The following ITIH5 variants were observed in gnomAD, a reference collection of about 807,000 sequenced individuals.
ITIH5 encodes the protein inter-alpha-trypsin inhibitor heavy chain H5.
ITIH5 carries 65 observed loss-of-function variants against 77.5 expected under a neutral mutation model. The observed-to-expected ratio is 0.84, with a 90% CI of 0.69 to 1.03. The LOEUF is 1.03. Among genes scored for constraint, ITIH5 ranks in the 50% least tolerant of loss-of-function variants. The pLI is 0.00. For synonymous variants in ITIH5, 525 were observed against 494.3 expected (o/e 1.06, Z -0.82); for missense variants, 1,208 against 1,213.1 (o/e 1.00, Z 0.06).
chr10:7,648,175 C>T (rs1200469986), intron 2 of ITIH5, among the ~76,000 whole-genome samples: 1 of 151,038 alleles, frequency 6.6e-6, no homozygotes, highest in Non-Finnish European at 1.5e-5. Flanking sequence ...ACCTGGGAAG[C>T]AGAGCTTCCA....
At chr10:7,573,262 GGA>G in intron 10 of ITIH5, 67 bp from the exon 11 acceptor site, 1 of 1,352,252 alleles carries the variant, frequency 7.4e-7, no homozygotes, top group Non-Finnish European at 1.1e-6. Context: ...AGGTGCAAAG[GGA>G]GAGAGGAGAC....
chr10:7,649,531 T>G (rs1834062858), intron 2 of ITIH5, among the ~76,000 whole-genome samples: 1 of 152,098 alleles, frequency 6.6e-6, no homozygotes, highest in African/African-American at 2.4e-5. Flanking sequence ...GATAGATAGA[T>G]AGGTAGGTAG....
At chr10:7,621,014 C>T (rs1833466293) in intron 5 of ITIH5, 1 of 152,190 alleles carries the variant, frequency 6.6e-6, no homozygotes, top group Non-Finnish European at 1.5e-5. Flanking sequence ...AGGCCCACCC[C>T]AGAAACTCGG....
intron 9 of ITIH5, among the ~76,000 whole-genome samples, chr10:7,579,105 A>AG (rs1430754153): frequency 6.6e-6 from 1 of 152,264 alleles, no homozygotes; most frequent in African/African-American, 2.4e-5. Context: ...TTAAATACTT[A>AG]ATATGGGATG....
rs938950088 is a variant in ITIH5 at position 7,569,772 on chromosome 10, G to A, written c.2045C>T (p.Pro682Leu). 19 of 1,604,798 alleles carry A rather than the reference G, an allele frequency of 1.2e-5. No homozygotes were observed. The highest frequency in any genetic ancestry group is 1.5e-5 in the Non-Finnish European group (18 of 1,176,200). The change falls in exon 12 of 14, where the codon CCC (proline) becomes CTC (leucine). Residue 682 changes from proline to leucine, a missense_variant. Transcript: ENST00000397146. ...CAGGGGGAAATCCACAACAAAGTGG[G>A]GATCACCATCCACTGCCAGAGCAGA... Reference protein sequence around the residue: ...KISKTSVDGDPHFVVDFPLSR... With the variant: ...KISKTSVDGDLHFVVDFPLSR...
At chr10:7,636,538 G>C (rs1399341070) in intron 5 of ITIH5, among the ~76,000 whole-genome samples, 1 of 152,034 alleles carries the variant, frequency 6.6e-6, no homozygotes, top group Non-Finnish European at 1.5e-5. Flanking sequence ...ATGCTGAATT[G>C]TTTTATAATC....
At chr10:7,606,216 C>T (rs369096473) in intron 7 of ITIH5, among the ~76,000 whole-genome samples, 5 of 152,270 alleles carry the variant, frequency 3.3e-5, no homozygotes, top group East Asian at 1.9e-4. Flanking sequence ...GAACTGGAAA[C>T]GGAGCTCCTA....
intron 5 of ITIH5, chr10:7,619,737 G>C (rs925359678): frequency 5.6e-6 from 1 of 180,048 alleles, no homozygotes; most frequent in African/African-American, 2.3e-5. Flanking sequence ...TCACTATCAC[G>C]AGAACAGCAA....
chr10:7,624,624 C>T (rs141385557), intron 5 of ITIH5, among the ~76,000 whole-genome samples: 3,003 of 150,576 alleles, frequency 0.02, 41 homozygotes, highest in South Asian at 0.034. Flanking sequence ...TCCAGACCAG[C>T]CTAGCTAACA....
chr10:7,601,783 T>C (rs1261897733), intron 7 of ITIH5, among the ~76,000 whole-genome samples: 3 of 152,202 alleles, frequency 2.0e-5, no homozygotes, highest in Non-Finnish European at 4.4e-5. Flanking sequence ...TCTTCATTGA[T>C]TGTAGAATTG....
At chr10:7,624,843 ACACATATATATGTG>A (rs1277202010) in intron 5 of ITIH5, among the ~76,000 whole-genome samples, 3 of 134,926 alleles carry the variant, frequency 2.2e-5, no homozygotes, top group Non-Finnish European at 4.7e-5. Context: ...ACATGTATAT[ACACATATATATGTG>A]TATATATGTA....
intron 6 of ITIH5, among the ~76,000 whole-genome samples, 200 bp downstream of exon 6, chr10:7,616,913 G>A (rs369963185): frequency 8.5e-5 from 13 of 152,106 alleles, no homozygotes; most frequent in Non-Finnish European, 1.5e-4. Context: ...TTTCACTTGC[G>A]CTGCAGATTA....
At chr10:7,572,359 A>C (rs1296692469) in intron 11 of ITIH5, 1 of 1,367,512 alleles carries the variant, frequency 7.3e-7, no homozygotes, top group Non-Finnish European at 9.8e-7. Context: ...AAATTTCATG[A>C]CATTTGAAAA....
intron 5 of ITIH5, among the ~76,000 whole-genome samples, chr10:7,635,561 A>G (rs11814938): frequency 0.012 from 1,883 of 152,294 alleles, 40 homozygotes; most frequent in African/African-American, 0.043. Context: ...AAGAATGTCA[A>G]GCTCATTGTT....
At chr10:7,666,418 C>T (rs1385617596) in intron 1 of ITIH5, among the ~76,000 whole-genome samples, 1 of 152,034 alleles carries the variant, frequency 6.6e-6, no homozygotes, top group Non-Finnish European at 1.5e-5. Flanking sequence ...TGCCTTTCTC[C>T]CTGGATCAAC....
intron 7 of ITIH5, among the ~76,000 whole-genome samples, chr10:7,593,363 C>T (rs142784497): frequency 0.036 from 5,022 of 139,720 alleles, 267 homozygotes; most frequent in African/African-American, 0.13. Flanking sequence ...CCCAGCCCCA[C>T]TCACCCCTGC....
rs1832032181 is a variant in ITIH5, at chr10:7,561,093, T to C, written c.*1990A>G. The C allele has an allele frequency of 6.6e-6, 1 of 151,854 alleles. No individual in the cohort carries two copies. The highest frequency in any genetic ancestry group is 2.4e-5 in the African/African-American group (1 of 41,408). 9.4% of individuals were successfully genotyped at this position (151,854 alleles called of 1,614,324 possible). A position where few individuals can be genotyped will look rare whatever the true frequency, so the allele number is the denominator to read the frequency against. ...TAAAGAAGAGGAAGAAAAAAGGTGA[T>C]ATTTTTCTAAAGTAAAATATAATTT... On this transcript the variant is annotated 3_prime_UTR_variant, in exon 14 of 14. Transcript: ENST00000397146.
chr10:7,582,854 G>C (rs1340943187), intron 8 of ITIH5, among the ~76,000 whole-genome samples: 1 of 152,120 alleles, frequency 6.6e-6, no homozygotes, highest in Non-Finnish European at 1.5e-5. Flanking sequence ...GGTAGTGGGG[G>C]GTGGGGCAGA....
chr10:7,582,437 G>A (rs1042146090), intron 8 of ITIH5, among the ~76,000 whole-genome samples: 1 of 129,670 alleles, frequency 7.7e-6, no homozygotes, highest in African/African-American at 2.9e-5. Context: ...TTACTGTAGT[G>A]TGAACACCTA....
Sources: gnomAD v4.1 joint callset for allele counts (sites outside exome capture counted in the v4.1 genomes callset) on GRCh38, gnomAD v4.1.1 for gene constraint, MANE v1.5 for transcripts, NCBI Gene and HGNC (gene_info 2026-07-23, HGNC 2026-07-21) for gene names.